The following ZSCAN5B variants were observed in gnomAD, a reference collection of about 807,000 sequenced individuals.
ZSCAN5B encodes the protein zinc finger and SCAN domain containing 5B, also known as zinc finger and SCAN domain-containing protein 5B.
A neutral mutation model predicts 25.2 loss-of-function variants in ZSCAN5B; 26 were observed. The observed-to-expected ratio is 1.03, with a 90% CI of 0.76 to 1.43. The LOEUF (loss-of-function observed/expected upper bound fraction) is 1.43. ZSCAN5B is among the 40% of genes most tolerant of loss of function. The pLI is 0.00. For missense variants in ZSCAN5B, 745 were observed against 622.1 expected (o/e 1.20, Z -2.10); for synonymous variants, 244 against 240.9 (o/e 1.01, Z -0.12).
Position 56,192,892 on chromosome 19 carries a change from T to A in ZSCAN5B, c.161A>T (p.Glu54Val), listed in dbSNP as rs61742910. ...CAGAGCCTGGATGGGGTCCGACTCC[T>A]CTGGGCAGCTGAACATCCTGAAATT... The change falls in exon 2 of 5, where the codon GAG becomes GTG. Residue 54 changes from glutamate (E) to valine (V), a missense_variant. Physicochemically the swap from Glu to Val is moderately radical, Grantham distance 121. Transcript: ENST00000586855. 5 of 1,614,112 alleles carry A rather than the reference T, an allele frequency of 3.1e-6. No individual in the cohort carries two copies. In the South Asian group the frequency reaches 5.5e-5, roughly 18 times the overall value.
chr19:56,195,669 A>G (rs9973244), intron 1 of ZSCAN5B, among the ~76,000 whole-genome samples: 79,809 of 151,448 alleles, frequency 0.53, 21,570 homozygotes, highest in Middle Eastern at 0.67. Flanking sequence ...GTGGACTCCA[A>G]AACAGTGAAG....
chr19:56,197,813 T>C (rs1568587599), exon 1 of ZSCAN5B: 3 of 985,258 alleles, frequency 3.0e-6, no homozygotes, highest in Non-Finnish European at 3.6e-6. Flanking sequence ...TGCGTCTATT[T>C]ATGGAGAAGC....
At chr19:56,194,537 C>T (rs10164279) in intron 1 of ZSCAN5B, among the ~76,000 whole-genome samples, 41,107 of 152,058 alleles carry the variant, frequency 0.27, 5,831 homozygotes, top group Non-Finnish European at 0.32. Context: ...TCAAGCGATG[C>T]GCTTGCTTTG....
chr19:56,189,779 C>G, exon 5 of ZSCAN5B: 8 of 1,548,086 alleles, frequency 5.2e-6, no homozygotes, highest in Non-Finnish European at 6.1e-6. Flanking sequence ...GGAGAAAAAC[C>G]ATCATTCACT....
At chr19:56,197,213 C>A (rs1415736655) in intron 1 of ZSCAN5B, among the ~76,000 whole-genome samples, 4 of 150,808 alleles carry the variant, frequency 2.7e-5, no homozygotes, top group Non-Finnish European at 2.9e-5. Flanking sequence ...TGCTTTGTTA[C>A]CCAGGCTGGA....
At chr19:56,196,472 C>T (rs1009880770) in intron 1 of ZSCAN5B, among the ~76,000 whole-genome samples, 3 of 151,256 alleles carry the variant, frequency 2.0e-5, no homozygotes, top group African/African-American at 7.3e-5. Flanking sequence ...GAGTCGATTT[C>T]AAGTGTTGTC....
Position 56,190,657 on chromosome 19 carries a change from C to T in ZSCAN5B, c.740-82G>A, listed in dbSNP as rs948104207. The T allele has an allele frequency of 3.1e-5, 49 of 1,562,680 alleles. No individual in the cohort carries two copies. In the African/African-American group the frequency reaches 4.0e-4, roughly 13 times the overall value. ...CAAACTCATTGCAACCAAACACTGACCTTGGCTGAGAACTTCCCCTCAACC... is the reference window on the plus strand; with the variant it reads ...CAAACTCATTGCAACCAAACACTGATCTTGGCTGAGAACTTCCCCTCAACC... On this transcript the variant is annotated intron_variant, in intron 4 of 4. Transcript: ENST00000586855.
intron 1 of ZSCAN5B, among the ~76,000 whole-genome samples, chr19:56,196,754 G>A (rs1448785170): frequency 1.3e-5 from 2 of 152,072 alleles, no homozygotes; most frequent in African/African-American, 2.4e-5. Flanking sequence ...CACATCCAGC[G>A]GCCATCTCGT....
At chr19:56,197,572 T>C (rs868147035) in intron 1 of ZSCAN5B, among the ~76,000 whole-genome samples, 162 bp downstream of exon 1, 1 of 152,168 alleles carries the variant, frequency 6.6e-6, no homozygotes, top group Middle Eastern at 3.4e-3. Flanking sequence ...ACAGAAGCAC[T>C]TCATCGCCAG....
chr19:56,190,186 G>A, exon 5 of ZSCAN5B: 1 of 1,614,084 alleles, frequency 6.2e-7, no homozygotes, highest in Non-Finnish European at 8.5e-7. Flanking sequence ...TCTCCTGTGT[G>A]TGACCTCCTG....
Position 56,197,796 on chromosome 19 carries a change from G to T in ZSCAN5B, c.-190C>A, listed in dbSNP as rs1457093784. On this transcript the variant is annotated 5_prime_UTR_variant, in exon 1 of 5. Transcript: ENST00000586855. ...GGATGCGCTCTCCAACCGGCCTGGA[G>T]CTGAACTGCGTCTATTTATGGAGAA... 4 of 985,234 alleles carry T rather than the reference G, an allele frequency of 4.1e-6. No individual in the cohort carries two copies. The highest frequency in any genetic ancestry group is 4.8e-6 in the Non-Finnish European group (4 of 829,942). The allele number at this position is 985,234 out of a possible 1,614,324, so 61.0% of individuals were successfully genotyped here.
rs759389883 is a variant in ZSCAN5B, at chr19:56,190,171, G to A, written c.1144C>T (p.Pro382Ser). ...TTCCGACAGAGATCACATTGAAAGG[G>A]TCTGTCTCCTGTGTGTGACCTCCTG... The change falls in exon 5 of 5, where the codon CCC becomes TCC. Residue 382 changes from proline to serine, a missense_variant. By Grantham distance (74) the Pro-to-Ser change is moderately conservative. Coordinates refer to ENST00000586855, the Ensembl canonical transcript of ZSCAN5B. 3 of 1,614,034 alleles carry A rather than the reference G, an allele frequency of 1.9e-6. No individual in the cohort carries two copies. The South Asian group carries it at 3.3e-5, about 18-fold the overall frequency.
chr19:56,190,055 G>T (rs548863728), exon 5 of ZSCAN5B: 1 of 1,613,836 alleles, frequency 6.2e-7, no homozygotes, highest in East Asian at 2.2e-5. Context: ...ACTCGTGGGC[G>T]AACCGCTTTT....
At chr19:56,195,004 G>C (rs2032791746) in intron 1 of ZSCAN5B, among the ~76,000 whole-genome samples, 2 of 152,152 alleles carry the variant, frequency 1.3e-5, no homozygotes, top group South Asian at 2.1e-4. Flanking sequence ...AAGTTCAACA[G>C]CTATGAGAAC....
chr19:56,192,036 G>C (rs758500585), exon 3 of ZSCAN5B: 11 of 1,612,274 alleles, frequency 6.8e-6, no homozygotes, highest in Non-Finnish European at 9.3e-6. Context: ...ATTCTTTGCC[G>C]AGCAAGTTGA....
intron 1 of ZSCAN5B, among the ~76,000 whole-genome samples, chr19:56,196,534 C>G (rs1451409681): frequency 1.3e-5 from 2 of 152,122 alleles, no homozygotes; most frequent in East Asian, 3.9e-4. Flanking sequence ...CTCGATTTAG[C>G]CGTTGCACAA....
chr19:56,193,041 A>G lies in ZSCAN5B; in HGVS notation c.12T>C (p.Asn4=), dbSNP rs919007729. 3.8e-6 allele frequency: 6 copies of G among 1,561,314 alleles called. No individual in the cohort carries two copies. The Admixed American group carries it at 7.6e-5, about 20-fold the overall frequency. The stretch of plus-strand genomic sequence containing the variant: ...CTCCCTGACCCCATGAGAGTGTCCA[A>G]TTTGCAGCCATATCTACTGGAGAAT... The change falls in exon 2 of 5, where the codon AAT becomes AAC. Residue 4 remains asparagine (N), a synonymous_variant. Transcript: ENST00000586855.
intron 1 of ZSCAN5B, among the ~76,000 whole-genome samples, chr19:56,195,431 A>T (rs900733310): frequency 1.3e-5 from 2 of 151,942 alleles, no homozygotes; most frequent in African/African-American, 4.8e-5. Context: ...CCAAACCACA[A>T]GGCACCCCTC....
At chr19:56,190,045 A>G (rs1169683055) in exon 5 of ZSCAN5B, 2 of 1,613,454 alleles carry the variant, frequency 1.2e-6, no homozygotes, top group East Asian at 2.2e-5. Context: ...TGTAAGGTGG[A>G]CTCGTGGGCG....
Sources: gnomAD v4.1 joint callset for allele counts (sites outside exome capture counted in the v4.1 genomes callset) on GRCh38, gnomAD v4.1.1 for gene constraint, MANE v1.5 for transcripts, NCBI Gene and HGNC (gene_info 2026-07-23, HGNC 2026-07-21) for gene names.